The following KHDRBS2 variants were observed in gnomAD, a reference collection of about 807,000 sequenced individuals.
KHDRBS2 encodes the protein KH RNA binding domain containing, signal transduction associated 2.
Under a neutral mutation model 44.3 loss-of-function variants are expected in KHDRBS2, and 26 were observed. The ratio of observed to expected loss-of-function variants is 0.59; its 90% CI spans 0.43 to 0.81. KHDRBS2 has a LOEUF of 0.81. Ranked by LOEUF, KHDRBS2 falls within the 40% of genes least tolerant of loss-of-function variation. The pLI is 0.00. For missense variants in KHDRBS2, 476 were observed against 433.1 expected, an observed-to-expected ratio of 1.10 and a Z score of -0.88; for synonymous variants, 194 against 151.1, an observed-to-expected ratio of 1.28 and a Z score of -2.08.
intron 1 of KHDRBS2, among the ~76,000 whole-genome samples, chr6:62,265,392 G>A (rs1355399825): frequency 6.6e-6 from 1 of 151,774 alleles, no homozygotes; most frequent in Non-Finnish European, 1.5e-5. Flanking sequence ...GAAATAACAG[G>A]ATTACAGTGA....
At chr6:61,793,383 A>C (rs1185576686) in intron 6 of KHDRBS2, among the ~76,000 whole-genome samples, 1 of 152,066 alleles carries the variant, frequency 6.6e-6, no homozygotes, top group Non-Finnish European at 1.5e-5. Context: ...GGTATATGTG[A>C]TATAAATAAG....
chr6:61,920,017 C>T (rs1201377969), intron 4 of KHDRBS2, among the ~76,000 whole-genome samples: 1 of 151,798 alleles, frequency 6.6e-6, no homozygotes, highest in South Asian at 2.1e-4. Flanking sequence ...TATATGACCC[C>T]AAGAGCTTAA....
At chr6:61,674,026 C>T in the KHDRBS2 span, among the ~76,000 whole-genome samples, 19,577 of 151,686 alleles carry the variant, frequency 0.13, 1,581 homozygotes, top group Non-Finnish European at 0.19. Context: ...TACAGATTGA[C>T]GAATAAAAGC....
the KHDRBS2 span, among the ~76,000 whole-genome samples, chr6:61,651,229 T>G: frequency 6.6e-6 from 1 of 152,264 alleles, no homozygotes; most frequent in Admixed American, 6.5e-5. Context: ...ATTCCTTATT[T>G]GAAATGCATG....
chr6:61,821,813 T>C (rs994919234), intron 6 of KHDRBS2, among the ~76,000 whole-genome samples: 1 of 151,838 alleles, frequency 6.6e-6, no homozygotes, highest in African/African-American at 2.4e-5. Flanking sequence ...TAGAGACCAA[T>C]GACTGGTATT....
chr6:62,237,496 A>G (rs1469317881), intron 1 of KHDRBS2, among the ~76,000 whole-genome samples: 3 of 152,214 alleles, frequency 2.0e-5, no homozygotes, highest in African/African-American at 7.2e-5. Context: ...GCTTGGATTT[A>G]TTGTTTGCAT....
chr6:61,687,614 C>A (rs917984256), intron 8 of KHDRBS2, among the ~76,000 whole-genome samples: 11 of 151,810 alleles, frequency 7.2e-5, no homozygotes, highest in African/African-American at 2.4e-4. Context: ...TTTCTGCAAT[C>A]TTAAAACCAT....
chr6:61,710,142 TATGTGAGTTGACAAC>T (rs1454424107), intron 7 of KHDRBS2, among the ~76,000 whole-genome samples: 22 of 151,710 alleles, frequency 1.5e-4, no homozygotes, highest in African/African-American at 4.4e-4. Flanking sequence ...GGGGAAAGAA[TATGTGAGTTGACAAC>T]AATGATTTCA....
chr6:61,822,609 A>C (rs1348616252), intron 6 of KHDRBS2, among the ~76,000 whole-genome samples: 1 of 151,988 alleles, frequency 6.6e-6, no homozygotes, highest in Non-Finnish European at 1.5e-5. Flanking sequence ...ATGAAGTCTA[A>C]CTTCTTAAAT....
chr6:61,587,727 G>A, the KHDRBS2 span, among the ~76,000 whole-genome samples: 1 of 152,142 alleles, frequency 6.6e-6, no homozygotes, highest in Non-Finnish European at 1.5e-5. Flanking sequence ...TTAACTTTCA[G>A]AATGTCGTTG....
At chr6:62,239,754 C>G (rs903009635) in intron 1 of KHDRBS2, among the ~76,000 whole-genome samples, 2 of 152,024 alleles carry the variant, frequency 1.3e-5, no homozygotes, top group Non-Finnish European at 2.9e-5. Flanking sequence ...GGCGGGATCT[C>G]AGATGACTGC....
At chr6:61,564,988 A>T in the KHDRBS2 span, among the ~76,000 whole-genome samples, 1 of 152,146 alleles carries the variant, frequency 6.6e-6, no homozygotes, top group Non-Finnish European at 1.5e-5. Flanking sequence ...TTACACATTT[A>T]CAGTCAAACC....
chr6:61,756,828 A>G (rs756456540), intron 6 of KHDRBS2, among the ~76,000 whole-genome samples: 6 of 152,134 alleles, frequency 3.9e-5, no homozygotes, highest in Non-Finnish European at 7.4e-5. Context: ...AGCATCCCCA[A>G]ATGTTTTCTC....
intron 1 of KHDRBS2, among the ~76,000 whole-genome samples, chr6:62,179,475 T>C (rs879592653): frequency 6.6e-6 from 1 of 151,752 alleles, no homozygotes; most frequent in Non-Finnish European, 1.5e-5. Context: ...ACAATTATGA[T>C]AATTGCAAAG....
intron 4 of KHDRBS2, among the ~76,000 whole-genome samples, chr6:61,960,546 T>C (rs1018174239): frequency 1.3e-5 from 2 of 152,062 alleles, no homozygotes; most frequent in African/African-American, 4.8e-5. Context: ...AACATATTGA[T>C]CCTTAGATCA....
At chr6:62,265,761 A>C (rs1245070177) in intron 1 of KHDRBS2, among the ~76,000 whole-genome samples, 1 of 152,036 alleles carries the variant, frequency 6.6e-6, no homozygotes, top group Non-Finnish European at 1.5e-5. Flanking sequence ...AGCAAATGGA[A>C]AGGCAGAACA....
intron 6 of KHDRBS2, among the ~76,000 whole-genome samples, chr6:61,734,902 T>TG (rs1483467717): frequency 6.6e-6 from 1 of 152,194 alleles, no homozygotes; most frequent in African/African-American, 2.4e-5. Context: ...TGTGTCATTG[T>TG]GCTCTGGTCC....
intron 3 of KHDRBS2, among the ~76,000 whole-genome samples, chr6:61,979,814 C>T (rs1413063830): frequency 3.3e-5 from 5 of 152,060 alleles, no homozygotes; most frequent in African/African-American, 1.2e-4. Flanking sequence ...AAGGTGCAAG[C>T]TGCTTGTTTA....
chr6:61,868,137 A>G (rs1008712594), intron 6 of KHDRBS2, among the ~76,000 whole-genome samples: 2 of 151,664 alleles, frequency 1.3e-5, no homozygotes, highest in African/African-American at 4.9e-5. Flanking sequence ...AGGAGGTGTA[A>G]CTCAAGCAGG....
Sources: gnomAD v4.1 joint callset for allele counts (sites outside exome capture counted in the v4.1 genomes callset) on GRCh38, gnomAD v4.1.1 for gene constraint, MANE v1.5 for transcripts, NCBI Gene and HGNC (gene_info 2026-07-23, HGNC 2026-07-21) for gene names.